Variants in CENPE observed in about 807,000 individuals in gnomAD.
CENPE encodes the protein centromere protein E.
CENPE carries 145 observed loss-of-function variants against 336.1 expected under a neutral mutation model. That is an observed-to-expected ratio of 0.43 (90% confidence interval 0.38 to 0.50). The LOEUF is 0.50. Ranked by LOEUF, CENPE falls within the 20% of genes least tolerant of loss-of-function variation. CENPE has a pLI of 0.00. For missense variants in CENPE, 2,719 were observed against 3,023.3 expected, an observed-to-expected ratio of 0.90 and a Z score of 2.36; for synonymous variants, 1,013 against 984.8, an observed-to-expected ratio of 1.03 and a Z score of -0.54.
chr4:103,121,909 GTACTAAATTCTCA>G (rs1374727060), intron 43 of CENPE, among the ~76,000 whole-genome samples: 1 of 151,768 alleles, frequency 6.6e-6, no homozygotes. Context: ...TCATACACCT[GTACTAAATTCTCA>G]TACTTAATTG....
In CENPE at chr4:103,151,360, T is replaced by C; in HGVS notation, c.3255A>G (p.Glu1085=). Residue 1085 remains glutamate (E), a synonymous_variant, in exon 26 of 49, where the codon GAA becomes GAG. Transcript: ENST00000265148. ...ENIEMTIENQ[E]ELRLLGDELK... is the part of the protein sequence containing the mutation. ...GTTCATCCCCAAGAAGTCTTAATTC[T>C]TCCTGGTTTTCAATGGTCTAGAAAG... 1 of 1,580,056 alleles carries C rather than the reference T, an allele frequency of 6.3e-7. No homozygotes were observed. Among genetic ancestry groups the C allele is most frequent in the Non-Finnish European group, 8.5e-7 (1 of 1,171,996 alleles).
At position 103,111,005 on chromosome 4, in the gene CENPE, G is replaced by A; in HGVS notation, c.7547C>T (p.Ser2516Leu). Reference protein sequence around the residue: ...SQQAQDTSVISEHTDPQPSNK... With the variant: ...SQQAQDTSVILEHTDPQPSNK... ...TGAAGGCTGAGGATCAGTATGTTCTGATATCACTGTGGGAGGAAAATATAC... is the reference window on the plus strand; with the variant it reads ...TGAAGGCTGAGGATCAGTATGTTCTAATATCACTGTGGGAGGAAAATATAC... The change falls in exon 47 of 49, where the codon TCA becomes TTA. Residue 2516 changes from serine (S) to leucine (L), a missense_variant. By Grantham distance (145) the Ser-to-Leu change is moderately radical. Coordinates refer to ENST00000265148, the MANE Select transcript of CENPE (RefSeq NM_001813.3). 2 of 1,572,438 alleles carry A rather than the reference G, an allele frequency of 1.3e-6. No individual in the cohort carries two copies. The highest frequency in any genetic ancestry group is 1.4e-5 in the African/African-American group (1 of 72,650).
intron 41 of CENPE, 23 bp from the exon 42 acceptor site, chr4:103,132,919 A>G (rs1313166810): frequency 1.9e-6 from 2 of 1,064,956 alleles, no homozygotes; most frequent in African/African-American, 1.7e-5. Flanking sequence ...TAAGCGTCAA[A>G]TTGTTTAAAC....
chr4:103,150,508 AG>A (rs1330215426), intron 26 of CENPE, among the ~76,000 whole-genome samples: 1 of 151,742 alleles, frequency 6.6e-6, no homozygotes, highest in African/African-American at 2.4e-5. Context: ...GCCTGAACCC[AG>A]GGGGGGTTGA....
intron 24 of CENPE, among the ~76,000 whole-genome samples, chr4:103,153,930 T>C (rs1371793786): frequency 6.6e-6 from 1 of 152,152 alleles, no homozygotes; most frequent in Non-Finnish European, 1.5e-5. Context: ...AATTCATCTT[T>C]TCTTAATATA....
chr4:103,119,963 T>A (rs1165682962), intron 44 of CENPE, among the ~76,000 whole-genome samples, 185 bp downstream of exon 44: 1 of 152,102 alleles, frequency 6.6e-6, no homozygotes, highest in Non-Finnish European at 1.5e-5. Flanking sequence ...ATATTTTATA[T>A]GACAATATGC....
intron 25 of CENPE, among the ~76,000 whole-genome samples, chr4:103,152,763 C>A (rs1299875798): frequency 6.6e-6 from 1 of 152,022 alleles, no homozygotes; most frequent in Non-Finnish European, 1.5e-5. Context: ...CTAGAAGAGA[C>A]AAATGATTTA....
chr4:103,190,116 C>T (rs1185271010), intron 8 of CENPE, among the ~76,000 whole-genome samples: 10 of 152,250 alleles, frequency 6.6e-5, no homozygotes, highest in African/African-American at 2.4e-4. Flanking sequence ...AGGAGAACTA[C>T]AAACCACTGC....
chr4:103,149,336 T>A lies in CENPE; in HGVS notation c.3469A>T (p.Ile1157Phe). ...TTCTTTAAATTCTCTATTTCATTAA[T>A]CTTTTTCTGCATCTCACTCATCTCT... is the stretch of plus-strand genomic sequence containing the variant. ...QEEMSEMQKK[I>F]NEIENLKNEL... Residue 1157 changes from isoleucine (I) to phenylalanine (F), a missense_variant, in exon 27 of 49, where the codon ATT becomes TTT. By Grantham distance (21) the Ile-to-Phe change is conservative. This residue lies in a region of CENPE where 2,437 missense variants were observed against 2,513.3 expected (regional missense o/e 0.97). Transcript: ENST00000265148. The A allele has an allele frequency of 6.2e-7, 1 of 1,610,066 alleles. No individual in the cohort carries two copies. Among genetic ancestry groups the A allele is most frequent in the Non-Finnish European group, 8.5e-7 (1 of 1,179,194 alleles).
intron 38 of CENPE, 107 bp downstream of exon 38, chr4:103,139,682 A>G: frequency 9.3e-7 from 1 of 1,072,900 alleles, no homozygotes; most frequent in South Asian, 1.7e-5. Context: ...ACTGTCCTTT[A>G]CTGTTCATAG....
chr4:103,145,003 A>C lies in CENPE; in HGVS notation c.4857+47T>G. 2.1e-6 allele frequency: 3 copies of C among 1,426,340 alleles called. No individual in the cohort carries two copies. The East Asian group carries it at 6.9e-5, about 33-fold the overall frequency. The allele number at this position is 1,426,340 out of a possible 1,614,324, so 88.4% of individuals were successfully genotyped here. A position where few individuals can be genotyped will look rare whatever the true frequency, so the allele number is the denominator to read the frequency against. ...CATGAACACCGTCATTATCACCTTA[A>C]CACTATTTCTGTATCCAAAAAAAAA... is the stretch of plus-strand genomic sequence containing the variant. On this transcript the variant is annotated intron_variant, in intron 32 of 48. Transcript: ENST00000265148.
At chr4:103,176,089 T>G in intron 14 of CENPE, 41 bp from the exon 15 acceptor site, 1 of 1,231,928 alleles carries the variant, frequency 8.1e-7, no homozygotes, top group Non-Finnish European at 1.1e-6. Flanking sequence ...TGAACATGTT[T>G]ACCAAATTTC....
chr4:103,161,458 C>G lies in CENPE; in HGVS notation c.1843-1G>C. ...TTTGTTTTGGGTCTTCAATGCTTTC[C>G]TAGACAGATGACAAAAGGGGTTCAC... is the stretch of plus-strand genomic sequence containing the variant. On this transcript the variant is annotated splice_acceptor_variant, in intron 18 of 48. Transcript: ENST00000265148. LOFTEE classifies it high-confidence loss of function. 6.3e-7 allele frequency: 1 copy of G among 1,580,808 alleles called. No homozygotes were observed. The highest frequency in any genetic ancestry group is 8.6e-7 in the Non-Finnish European group (1 of 1,168,452).
chr4:103,192,061 T>A (rs547077002), intron 8 of CENPE, among the ~76,000 whole-genome samples: 1 of 152,186 alleles, frequency 6.6e-6, no homozygotes, highest in Non-Finnish European at 1.5e-5. Flanking sequence ...ATTGTTTTTT[T>A]AATCTCAGAG....
rs368235666 is a variant in CENPE at position 103,139,620 on chromosome 4, G to A, written c.6204+169C>T. 8.4e-4 allele frequency among the ~76,000 whole-genome samples: 128 copies of A among 152,104 alleles called. 1 individual carries two copies. Among genetic ancestry groups the A allele is most frequent in the African/African-American group, 3.0e-3 (124 of 41,516 alleles). ...AATGTTATTTTCTGAAAATATTTTT[G>A]CTTCTTTTAAAACTGTTTTCTATTG... On this transcript the variant is annotated intron_variant, in intron 38 of 48. Coordinates refer to ENST00000265148, the MANE Select transcript of CENPE (RefSeq NM_001813.3).
intron 8 of CENPE, among the ~76,000 whole-genome samples, chr4:103,192,843 C>A (rs1259153614): frequency 1.3e-5 from 2 of 151,032 alleles, no homozygotes; most frequent in East Asian, 3.9e-4. Flanking sequence ...TGGCAGTCAT[C>A]AACATGGAAA....
Position 103,174,810 on chromosome 4 carries a change from C to T in CENPE, c.1573G>A (p.Glu525Lys). Residue 525 changes from glutamate (E) to lysine (K), a missense_variant, in exon 16 of 49, where the codon GAA (glutamate) becomes AAA (lysine). This residue lies in a region of CENPE where 2,437 missense variants were observed against 2,513.3 expected (regional missense o/e 0.97). Coordinates refer to ENST00000265148, the MANE Select transcript of CENPE (RefSeq NM_001813.3). ...TCATTCTTTTCTTTTAATTTCAATT[C>T]CATTTCTTCTTTTTCTGTTCGTAGT... ...EQLRTEKEEM[E>K]LKLKEKNDLD... The T allele has an allele frequency of 6.5e-7, 1 of 1,549,864 alleles. No homozygotes were observed. Among genetic ancestry groups the T allele is most frequent in the Non-Finnish European group, 8.7e-7 (1 of 1,147,218 alleles).
intron 24 of CENPE, among the ~76,000 whole-genome samples, chr4:103,158,087 A>G (rs1290887167): frequency 6.6e-6 from 1 of 151,922 alleles, no homozygotes; most frequent in East Asian, 1.9e-4. Context: ...AATTTGGACT[A>G]ATACATTTTT....
At chr4:103,146,454 C>A (rs1424847037) in intron 29 of CENPE, among the ~76,000 whole-genome samples, 1 of 152,152 alleles carries the variant, frequency 6.6e-6, no homozygotes, top group Non-Finnish European at 1.5e-5. Flanking sequence ...CAAATATAAT[C>A]TATTGTGAAT....
Sources: gnomAD v4.1 joint callset for allele counts (sites outside exome capture counted in the v4.1 genomes callset) on GRCh38, gnomAD v4.1.1 for gene constraint, gnomAD v4.1.1 regional missense constraint, MANE v1.5 for transcripts, NCBI Gene and HGNC (gene_info 2026-07-23, HGNC 2026-07-21) for gene names.